The following C6 variants were observed in gnomAD, a reference collection of about 807,000 sequenced individuals.
The protein encoded by C6 is complement C6, also known as complement component C6.
A neutral mutation model predicts 112.9 loss-of-function variants in C6; 101 were observed. That is an observed-to-expected ratio of 0.89 (90% CI 0.76 to 1.06). The LOEUF (loss-of-function observed/expected upper bound fraction) is 1.06. C6 is among the 50% of genes least tolerant of loss of function. The pLI is 0.00. For synonymous variants in C6, 431 were observed against 384.1 expected, an observed-to-expected ratio of 1.12 and a Z score of -1.43; for missense variants, 1,202 against 1,104.6, an observed-to-expected ratio of 1.09 and a Z score of -1.25.
At position 41,173,056 on chromosome 5, in the gene C6, G is replaced by A. The variant is rs554505739; in HGVS notation, c.1169-709C>T. On this transcript the variant is annotated intron_variant, in intron 8 of 17. Transcript: ENST00000337836. ...TATCTCTTCATGTTAATTCAAGCCT[G>A]TACTTGATACTGTTTCCACTGTCAT... Among the ~76,000 whole-genome samples the A allele has an allele frequency of 1.0e-3, 152 of 152,198 alleles. 1 individual carries two copies. Among genetic ancestry groups the A allele is most frequent in the Non-Finnish European group, 1.7e-3 (114 of 68,012 alleles).
chr5:41,239,636 C>A (rs1357540150), intron 1 of C6, among the ~76,000 whole-genome samples: 6 of 152,046 alleles, frequency 3.9e-5, no homozygotes, highest in African/African-American at 1.4e-4. Flanking sequence ...CTTTCTGAGC[C>A]TCTAGTACCT....
At chr5:41,249,859 T>A (rs932097723) in intron 1 of C6, among the ~76,000 whole-genome samples, 7 of 152,166 alleles carry the variant, frequency 4.6e-5, no homozygotes, top group African/African-American at 1.7e-4. Flanking sequence ...CTTACAGGAG[T>A]ACTCATAAGA....
chr5:41,258,865 A>G (rs1741874977), intron 1 of C6, among the ~76,000 whole-genome samples: 2 of 151,654 alleles, frequency 1.3e-5, no homozygotes, highest in Non-Finnish European at 2.9e-5. Flanking sequence ...ATCAGATCTC[A>G]TGAGATTCAC....
At chr5:41,164,003 G>T (rs773764372) in intron 9 of C6, among the ~76,000 whole-genome samples, 2 of 151,590 alleles carry the variant, frequency 1.3e-5, no homozygotes, top group East Asian at 3.9e-4. Context: ...ATAAAATATC[G>T]TGTTAAGAAC....
chr5:41,195,924 A>G lies in C6; in HGVS notation c.455T>C (p.Ile152Thr), dbSNP rs764970695. The part of the protein sequence containing the change: ...NKFRCDSGRC[I>T]ARKLECNGEN... Reference sequence around the variant, plus strand: ...TCCATTGCATTCTAACTTTCTGGCAATGCAGCGGCCTAGTCAAGAAAAGCA... The same window carrying G: ...TCCATTGCATTCTAACTTTCTGGCAGTGCAGCGGCCTAGTCAAGAAAAGCA... The change falls in exon 5 of 18, where the codon ATT becomes ACT. Residue 152 changes from isoleucine (I) to threonine (T), a missense_variant. Physicochemically the swap from Ile to Thr is moderately conservative, Grantham distance 89. Coordinates refer to ENST00000337836, the MANE Select transcript of C6 (RefSeq NM_000065.5). 1.2e-6 allele frequency: 2 copies of G among 1,613,810 alleles called. No homozygotes were observed. Among genetic ancestry groups the G allele is most frequent in the Non-Finnish European group, 1.7e-6 (2 of 1,179,926 alleles).
intron 3 of C6, among the ~76,000 whole-genome samples, chr5:41,200,568 T>C (rs183562586): frequency 1.3e-5 from 2 of 152,252 alleles, no homozygotes; most frequent in African/African-American, 4.8e-5. Flanking sequence ...GATGTGAAGT[T>C]TGAATAAGAT....
intron 8 of C6, among the ~76,000 whole-genome samples, chr5:41,173,369 A>G (rs542484917): frequency 5.1e-4 from 78 of 152,304 alleles, no homozygotes; most frequent in African/African-American, 1.9e-3. Flanking sequence ...TCTGTGTGTT[A>G]GTGGAAGAGT....
At chr5:41,199,933 G>A (rs746931524) in intron 3 of C6, 21 bp from the exon 4 acceptor site, 17 of 1,612,944 alleles carry the variant, frequency 1.1e-5, no homozygotes, top group Non-Finnish European at 1.4e-5. Context: ...AGAAGAGAAA[G>A]ATATAACTCT....
intron 2 of C6, among the ~76,000 whole-genome samples, chr5:41,202,772 C>G (rs1327990489): frequency 6.6e-6 from 1 of 152,122 alleles, no homozygotes; most frequent in Non-Finnish European, 1.5e-5. Flanking sequence ...AATTAACTCA[C>G]TAACTATAGG....
chr5:41,176,436 T>A, intron 8 of C6, 39 bp downstream of exon 8: 4 of 1,605,038 alleles, frequency 2.5e-6, no homozygotes, highest in Non-Finnish European at 3.4e-6. Flanking sequence ...TTGCATGCTA[T>A]CATACCAGTT....
At chr5:41,150,835 C>T (rs1047957760) in intron 15 of C6, among the ~76,000 whole-genome samples, 6 of 149,840 alleles carry the variant, frequency 4.0e-5, no homozygotes, top group Non-Finnish European at 8.9e-5. Context: ...TGCAGTGAGC[C>T]GAGATTGTGC....
intron 4 of C6, among the ~76,000 whole-genome samples, chr5:41,199,116 G>A (rs1207353480): frequency 2.6e-5 from 4 of 152,064 alleles, no homozygotes; most frequent in Non-Finnish European, 5.9e-5. Flanking sequence ...GGGAAAACTT[G>A]GGTTCCAAGG....
chr5:41,159,516 CCT>C lies in C6; in HGVS notation c.1685-265_1685-264del, dbSNP rs565500486. The C allele has an allele frequency of 2.1e-4, 208 of 974,666 alleles. No individual in the cohort carries two copies. In the African/African-American group the frequency reaches 3.4e-3, roughly 16 times the overall value. 60.4% of individuals were successfully genotyped at this position (974,666 alleles called of 1,614,324 possible). A position where few individuals can be genotyped will look rare whatever the true frequency, so the allele number is the denominator to read the frequency against. ...TGAATTATTTTCAACTGTTAAGAAA[CCT>C]CTGTATTCTTGGCTTTGGAGGCCTT... On this transcript the variant is annotated intron_variant, in intron 11 of 17. Coordinates refer to ENST00000337836, the MANE Select transcript of C6 (RefSeq NM_000065.5).
chr5:41,184,018 G>C (rs1749569290), intron 6 of C6, among the ~76,000 whole-genome samples: 1 of 151,936 alleles, frequency 6.6e-6, no homozygotes, highest in Non-Finnish European at 1.5e-5. Flanking sequence ...AAAAACTGTT[G>C]GGTACTCTGC....
At chr5:41,217,949 C>G (rs981578874), upstream of C6, among the ~76,000 whole-genome samples, 1 of 152,140 alleles carries the variant, frequency 6.6e-6, no homozygotes, top group Admixed American at 6.6e-5. Context: ...TAAAGCACTA[C>G]TACAATGAAA....
chr5:41,233,078 A>G (rs1740009321), intron 1 of C6, among the ~76,000 whole-genome samples: 1 of 152,070 alleles, frequency 6.6e-6, no homozygotes, highest in Admixed American at 6.6e-5. Flanking sequence ...TATTTTCTGT[A>G]TTTAAAAATT....
chr5:41,171,323 A>G (rs773461255), intron 9 of C6, among the ~76,000 whole-genome samples: 26 of 152,286 alleles, frequency 1.7e-4, no homozygotes, highest in African/African-American at 6.0e-4. Context: ...GGGACTGCTG[A>G]AGGAGAGGAA....
At chr5:41,230,242 G>T (rs538135974) in intron 1 of C6, among the ~76,000 whole-genome samples, 9 of 152,230 alleles carry the variant, frequency 5.9e-5, no homozygotes, top group Admixed American at 5.2e-4. Flanking sequence ...TAACCATAAG[G>T]TCTGACTGAC....
chr5:41,208,684 C>T (rs552866149), intron 1 of C6, among the ~76,000 whole-genome samples: 19 of 152,250 alleles, frequency 1.2e-4, no homozygotes, highest in South Asian at 8.3e-4. Flanking sequence ...GAAGTTGAAT[C>T]CCTGAATAAA....
Sources: allele counts gnomAD v4.1 joint callset (sites outside exome capture counted in the v4.1 genomes callset), GRCh38; gene constraint gnomAD v4.1.1; transcripts MANE v1.5; gene names NCBI Gene and HGNC (gene_info 2026-07-23, HGNC 2026-07-21).